The following TPCN2 variants were observed in gnomAD, a reference collection of about 807,000 sequenced individuals.
TPCN2 encodes the protein two pore channel protein 2.
TPCN2 carries 92 observed loss-of-function variants against 111.4 expected under a neutral mutation model. The observed-to-expected ratio is 0.83, with a 90% CI of 0.70 to 0.98. The LOEUF is 0.98. TPCN2 is among the 50% of genes least tolerant of loss of function. The pLI is 0.00. For synonymous variants in TPCN2, 405 were observed against 414.5 expected (o/e 0.98, Z 0.28); for missense variants, 995 against 980.1 (o/e 1.02, Z -0.20).
chr11:69,070,941 A>C (rs1050793084), intron 9 of TPCN2, among the ~76,000 whole-genome samples: 20 of 70,804 alleles, frequency 2.8e-4, no homozygotes, highest in South Asian at 5.0e-4. Context: ...GGGATCCCCC[A>C]CCCCACGGCT....
At chr11:69,079,482 A>G (rs1009289913) in intron 16 of TPCN2, 6 of 294,402 alleles carry the variant, frequency 2.0e-5, no homozygotes, top group African/African-American at 1.3e-4. Context: ...TGTGTGTGTC[A>G]CAAGCAGCCA....
intron 13 of TPCN2, among the ~76,000 whole-genome samples, chr11:69,073,604 C>T (rs932118905): frequency 2.6e-5 from 4 of 152,232 alleles, no homozygotes; most frequent in East Asian, 1.9e-4. Flanking sequence ...GCTCCTGGGA[C>T]GGCACCACAG....
chr11:69,078,908 T>A lies in TPCN2; in HGVS notation c.1427T>A (p.Phe476Tyr). 6.2e-7 allele frequency: 1 copy of A among 1,614,054 alleles called. No individual in the cohort carries two copies. The highest frequency in any genetic ancestry group is 1.1e-5 in the South Asian group (1 of 91,086). The change falls in exon 16 of 25, where the codon TTC becomes TAC. Residue 476 changes from phenylalanine to tyrosine, a missense_variant. By Grantham distance (22) the Phe-to-Tyr change is conservative. Transcript: ENST00000294309. ...CCCTTTCAGATTCTCAACTGCGTCT[T>A]CATTGTGTACTACCTGTTGGAGATG... ...DFILGILNCV[F>Y]IVYYLLEMLL...
chr11:69,077,377 T>TCCTGCCATGTCCCTCCA (rs1438125260), intron 13 of TPCN2, among the ~76,000 whole-genome samples: 56 of 148,554 alleles, frequency 3.8e-4, no homozygotes, highest in Admixed American at 6.0e-4. Flanking sequence ...CCACCTGCCC[T>TCCTGCCATGTCCCTCCA]CCTGCCCTCC....
Position 69,085,884 on chromosome 11 carries a change from A to G in TPCN2, c.1957A>G (p.Asn653Asp). The change falls in exon 22 of 25, where the codon AAC (asparagine) becomes GAC (aspartate). Residue 653 changes from asparagine to aspartate, a missense_variant. By Grantham distance (23) the Asn-to-Asp change is conservative (BLOSUM62 1). Coordinates refer to ENST00000294309, the MANE Select transcript of TPCN2 (RefSeq NM_139075.4). ...CACTCTGTGGAACTTGATGGTGGTG[A>G]ACAACTGGCAGGTGTTTCTGGATGC... Reference protein sequence around the residue: ...LVTLWNLMVVNNWQVFLDAYR... With the variant: ...LVTLWNLMVVDNWQVFLDAYR... The G allele has an allele frequency of 6.2e-7, 1 of 1,614,040 alleles. No individual in the cohort carries two copies. The highest frequency in any genetic ancestry group is 8.5e-7 in the Non-Finnish European group (1 of 1,180,018).
At chr11:69,066,872 C>T (rs1212528938) in intron 7 of TPCN2, among the ~76,000 whole-genome samples, 1 of 152,146 alleles carries the variant, frequency 6.6e-6, no homozygotes, top group Non-Finnish European at 1.5e-5. Flanking sequence ...GAGTCTCAAG[C>T]AGAGTTGCTT....
intron 12 of TPCN2, 79 bp downstream of exon 12, chr11:69,072,787 G>C: frequency 6.3e-7 from 1 of 1,574,992 alleles, no homozygotes; most frequent in Admixed American, 1.7e-5. Context: ...TTCAGGACTA[G>C]GGGTGTGGCT....
intron 17 of TPCN2, among the ~76,000 whole-genome samples, chr11:69,080,465 G>A (rs1344804023): frequency 6.6e-6 from 1 of 152,238 alleles, no homozygotes; most frequent in East Asian, 1.9e-4. Context: ...CTGGAGCCTC[G>A]TGGCACCACA....
intron 1 of TPCN2, among the ~76,000 whole-genome samples, chr11:69,052,747 C>T (rs753945856): frequency 3.3e-4 from 51 of 152,278 alleles, no homozygotes; most frequent in East Asian, 2.5e-3. Context: ...GTGGCGTGGG[C>T]GGGTCATGGC....
chr11:69,076,280 G>A (rs528274536), intron 13 of TPCN2, among the ~76,000 whole-genome samples: 53 of 152,282 alleles, frequency 3.5e-4, no homozygotes, highest in African/African-American at 1.2e-3. Flanking sequence ...AGCAGGAGGC[G>A]ACCCTCCTGG....
At chr11:69,085,150 G>GGGT in intron 19 of TPCN2, 60 bp from the exon 20 acceptor site, 3 of 1,459,646 alleles carry the variant, frequency 2.1e-6, no homozygotes, top group Non-Finnish European at 2.9e-6. Context: ...TGTCTGGGGA[G>GGGT]GGTGGTGGTG....
intron 18 of TPCN2, chr11:69,083,326 T>G (rs976232771): frequency 1.3e-5 from 2 of 154,208 alleles, no homozygotes; most frequent in East Asian, 3.8e-4. Context: ...TGCTGACTGG[T>G]CTCCACTGTG....
At chr11:69,063,323 C>A (rs190933117) in intron 6 of TPCN2, among the ~76,000 whole-genome samples, 1 of 151,992 alleles carries the variant, frequency 6.6e-6, no homozygotes, top group Non-Finnish European at 1.5e-5. Flanking sequence ...TCCCCTCTGC[C>A]GTCCCCTCCC....
chr11:69,063,332 C>T (rs1056630833), intron 6 of TPCN2, among the ~76,000 whole-genome samples: 1 of 152,032 alleles, frequency 6.6e-6, no homozygotes, highest in African/African-American at 2.4e-5. Context: ...CCGTCCCCTC[C>T]CACTCATGGT....
At chr11:69,077,793 T>C (rs1855855430) in intron 13 of TPCN2, among the ~76,000 whole-genome samples, 2 of 152,218 alleles carry the variant, frequency 1.3e-5, no homozygotes, top group African/African-American at 4.8e-5. Context: ...GTGTCACATG[T>C]GGCTGTGGAG....
chr11:69,071,001 A>C (rs1590730828), intron 9 of TPCN2, among the ~76,000 whole-genome samples: 1 of 80,572 alleles, frequency 1.2e-5, no homozygotes, highest in Admixed American at 1.4e-4. Flanking sequence ...ATCCCCCACC[A>C]ACAGCTTCAC....
chr11:69,079,064 G>T, intron 16 of TPCN2, 44 bp downstream of exon 16: 1 of 1,570,564 alleles, frequency 6.4e-7, no homozygotes, highest in Non-Finnish European at 8.6e-7. Flanking sequence ...GGGCGGGTGG[G>T]TGAGCGCCAC....
At chr11:69,074,265 C>G (rs1408622363) in intron 13 of TPCN2, among the ~76,000 whole-genome samples, 1 of 152,230 alleles carries the variant, frequency 6.6e-6, no homozygotes, top group East Asian at 1.9e-4. Context: ...CGCACTCGTC[C>G]CCATCCTCAC....
chr11:69,063,897 T>A lies in TPCN2; in HGVS notation c.656T>A (p.Val219Asp), dbSNP rs199820659. 1.2e-5 allele frequency: 20 copies of A among 1,613,866 alleles called. No homozygotes were observed. In the East Asian group the frequency reaches 4.2e-4, roughly 34 times the overall value. Residue 219 changes from valine to aspartate, a missense_variant and splice_region_variant, in exon 7 of 25, where the codon GTC becomes GAC. Transcript: ENST00000294309. ...CTGAGTGCCGTGCTCTCCCCCAGCG[T>A]CGGGCTGCTGCTGGCCATCCACCTG... is the stretch of plus-strand genomic sequence containing the variant. ...IRWSLPEMAS[V>D]GLLLAIHLCL... is the part of the protein sequence containing the mutation.
Sources: allele counts gnomAD v4.1 joint callset (sites outside exome capture counted in the v4.1 genomes callset), GRCh38; gene constraint gnomAD v4.1.1; transcripts MANE v1.5; gene names NCBI Gene and HGNC (gene_info 2026-07-23, HGNC 2026-07-21).